FRMD6: variants seen among roughly 807,000 people sequenced by gnomAD.
The protein encoded by FRMD6 is FERM domain containing 6.
FRMD6 carries 37 observed loss-of-function variants against 73.2 expected under a neutral mutation model. The ratio of observed to expected loss-of-function variants is 0.51; its 90% CI spans 0.39 to 0.66. The LOEUF is 0.66. Ranked by LOEUF, FRMD6 falls within the 30% of genes least tolerant of loss-of-function variation. The pLI, the probability that FRMD6 is intolerant of heterozygous loss-of-function variation, is 0.00. For missense variants in FRMD6, 714 were observed against 780.5 expected (o/e 0.91, Z 1.02); for synonymous variants, 273 against 282.2 (o/e 0.97, Z 0.33).
chr14:51,551,696 C>T (rs1205640412), intron 1 of FRMD6, among the ~76,000 whole-genome samples: 1 of 151,854 alleles, frequency 6.6e-6, no homozygotes, highest in South Asian at 2.1e-4. Context: ...GAGATCAGGC[C>T]ACTGCACTCC....
the FRMD6 span, among the ~76,000 whole-genome samples, chr14:51,415,374 A>T: frequency 4.6e-5 from 7 of 152,176 alleles, no homozygotes; most frequent in African/African-American, 9.7e-5. Context: ...AAGGCTGTTG[A>T]ATTTTGTCAA....
rs189000251 is a variant in FRMD6, at chr14:51,606,638, G to A, written c.-147+36228G>A. Among the ~76,000 whole-genome samples, 823 of 152,328 alleles carry A rather than the reference G, an allele frequency of 5.4e-3. 4 individuals are homozygous for A. Among genetic ancestry groups the A allele is most frequent in the Non-Finnish European group, 9.4e-3 (641 of 68,034 alleles). Reference sequence around the variant, plus strand: ...AAAAGCAGGGAGGTTGCATGTATTAGTTGGGGTCCTCCAGAGAGACAGAGC... The same window carrying A: ...AAAAGCAGGGAGGTTGCATGTATTAATTGGGGTCCTCCAGAGAGACAGAGC... On this transcript the variant is annotated intron_variant, in intron 2 of 14. Transcript: ENST00000356218.
chr14:51,490,035 A>G (rs17576368), intron 1 of FRMD6, among the ~76,000 whole-genome samples: 6,083 of 152,314 alleles, frequency 0.04, 172 homozygotes, highest in East Asian at 0.074. Flanking sequence ...CACTTCTTTT[A>G]TGAGGGGTAT....
chr14:51,637,764 A>AG (rs1485625629), intron 2 of FRMD6: 1 of 152,222 alleles, frequency 6.6e-6, no homozygotes, highest in Non-Finnish European at 1.5e-5. Flanking sequence ...TAGGGGCAAA[A>AG]AAGTAAGGAA....
rs1432120905 is a variant in FRMD6, at chr14:51,691,692, T to C, written c.99+1757T>C. 4.0e-5 allele frequency among the ~76,000 whole-genome samples: 6 copies of C among 148,414 alleles called. No individual in the cohort carries two copies. In the Admixed American group the frequency reaches 4.1e-4, roughly 10 times the overall value. The stretch of plus-strand genomic sequence containing the variant: ...TCACTGCAGTCTCTGCCTTCCAGCT[T>C]CAAGCGATTCTCCTGCCTCAGCCTC... On this transcript the variant is annotated intron_variant, in intron 2 of 13. Transcript: ENST00000344768.
intron 1 of FRMD6, among the ~76,000 whole-genome samples, chr14:51,561,222 C>T (rs1325401715): frequency 2.6e-5 from 4 of 152,226 alleles, no homozygotes; most frequent in Admixed American, 2.6e-4. Context: ...TTCAGCCTCA[C>T]ATGATTTCTT....
the FRMD6 span, among the ~76,000 whole-genome samples, chr14:51,420,500 G>A: frequency 7.7e-3 from 1,180 of 152,300 alleles, 17 homozygotes; most frequent in African/African-American, 0.027. Context: ...GAAAGAAATG[G>A]AATAAAAGAA....
chr14:51,680,603 G>C (rs1002455676), intron 1 of FRMD6, among the ~76,000 whole-genome samples: 2 of 151,806 alleles, frequency 1.3e-5, no homozygotes, highest in Non-Finnish European at 2.9e-5. Flanking sequence ...GAATACTTAT[G>C]ATCTTTTTCT....
chr14:51,528,298 G>A (rs527441831), intron 1 of FRMD6, among the ~76,000 whole-genome samples: 7 of 152,234 alleles, frequency 4.6e-5, no homozygotes, highest in Admixed American at 6.5e-5. Context: ...GGCCCTCAGA[G>A]ATCACCAAAA....
At chr14:51,532,993 T>C (rs1885674907) in intron 1 of FRMD6, among the ~76,000 whole-genome samples, 1 of 152,222 alleles carries the variant, frequency 6.6e-6, no homozygotes, top group South Asian at 2.1e-4. Context: ...AATACTGCTA[T>C]TAGCTCACTC....
intron 1 of FRMD6, among the ~76,000 whole-genome samples, chr14:51,656,283 A>G (rs1461654175): frequency 6.6e-6 from 1 of 152,204 alleles, no homozygotes; most frequent in East Asian, 1.9e-4. Flanking sequence ...CTCTCAGCTG[A>G]TTGTATTGCT....
chr14:51,621,848 A>T (rs989221550), intron 2 of FRMD6, among the ~76,000 whole-genome samples: 6 of 152,214 alleles, frequency 3.9e-5, no homozygotes, highest in African/African-American at 1.4e-4. Context: ...TACTAAAATT[A>T]TAACTGAAAC....
At chr14:51,622,660 A>G (rs1193843364) in intron 2 of FRMD6, among the ~76,000 whole-genome samples, 1 of 152,220 alleles carries the variant, frequency 6.6e-6, no homozygotes, top group Admixed American at 6.5e-5. Context: ...CTGAAGTCAG[A>G]TTCCAGAGCA....
At chr14:51,628,575 G>T (rs1891202456) in intron 2 of FRMD6, among the ~76,000 whole-genome samples, 1 of 151,924 alleles carries the variant, frequency 6.6e-6, no homozygotes, top group Non-Finnish European at 1.5e-5. Context: ...CACTTTGGGA[G>T]GCCAAGGTGG....
intron 2 of FRMD6, among the ~76,000 whole-genome samples, chr14:51,636,152 C>T (rs988484009): frequency 6.6e-6 from 1 of 152,104 alleles, no homozygotes; most frequent in African/African-American, 2.4e-5. Flanking sequence ...GATGGTGGAT[C>T]CCCGCCCCAT....
At chr14:51,632,029 C>A (rs1180816299) in intron 2 of FRMD6, among the ~76,000 whole-genome samples, 1 of 152,168 alleles carries the variant, frequency 6.6e-6, no homozygotes, top group Admixed American at 6.5e-5. Flanking sequence ...GAGGGAGGGA[C>A]CTGGTGGGAG....
chr14:51,528,149 CAACA>C (rs1471818919), intron 1 of FRMD6, among the ~76,000 whole-genome samples: 2 of 152,024 alleles, frequency 1.3e-5, no homozygotes, highest in African/African-American at 4.8e-5. Flanking sequence ...CTCAAAAAAA[CAACA>C]AACAAACAAA....
intron 2 of FRMD6, among the ~76,000 whole-genome samples, chr14:51,571,254 C>A (rs1296687898): frequency 6.6e-6 from 1 of 152,200 alleles, no homozygotes; most frequent in East Asian, 1.9e-4. Flanking sequence ...TGGCACACAC[C>A]TGTAGTCCCA....
At chr14:51,565,195 T>C (rs1887707528) in intron 1 of FRMD6, 1 of 152,238 alleles carries the variant, frequency 6.6e-6, no homozygotes, top group Non-Finnish European at 1.5e-5. Flanking sequence ...TTCTTGACAC[T>C]AATGCCTGGC....
Sources: gnomAD v4.1 joint callset for allele counts (sites outside exome capture counted in the v4.1 genomes callset) on GRCh38, gnomAD v4.1.1 for gene constraint, MANE v1.5 for transcripts, NCBI Gene and HGNC (gene_info 2026-07-23, HGNC 2026-07-21) for gene names.